The following DENND2B variants were observed in gnomAD, a reference collection of about 807,000 sequenced individuals.
DENND2B encodes DENN domain containing 2B.
DENND2B carries 32 observed loss-of-function variants against 116.0 expected under a neutral mutation model. That is an observed-to-expected ratio of 0.28 (90% CI 0.21 to 0.37). The LOEUF is 0.37. DENND2B is among the 10% of genes least tolerant of loss of function. DENND2B has a pLI of 1.00. For missense variants in DENND2B, 1,276 were observed against 1,477.7 expected (o/e 0.86, Z 2.24); for synonymous variants, 588 against 583.9 (o/e 1.01, Z -0.10).
intron 1 of DENND2B, chr11:8,910,709 AGTGTGTGTGTGTGTGT>A (rs56115841): frequency 2.8e-5 from 2 of 72,356 alleles, no homozygotes; most frequent in African/African-American, 1.2e-4. Flanking sequence ...ACTCCTGGCT[AGTGTGTGTGTGTGTGT>A]GTGTGTGTGT....
intron 2 of DENND2B, among the ~76,000 whole-genome samples, chr11:8,732,027 C>A (rs2048208971): frequency 6.6e-6 from 1 of 152,162 alleles, no homozygotes; most frequent in African/African-American, 2.4e-5. Context: ...TGGGTTCTGA[C>A]CAGAATTAGA....
chr11:8,875,986 T>C (rs7106539), upstream of DENND2B, among the ~76,000 whole-genome samples: 3 of 128,236 alleles, frequency 2.3e-5, no homozygotes, highest in African/African-American at 6.0e-5. Context: ...TATTATTTTA[T>C]TTAGATCTAC....
chr11:8,737,899 C>T (rs2049382848), intron 2 of DENND2B, among the ~76,000 whole-genome samples: 1 of 149,688 alleles, frequency 6.7e-6, no homozygotes, highest in South Asian at 2.1e-4. Context: ...AGGTTCATGC[C>T]ACCAGGTCCA....
At chr11:8,717,045 C>T (rs1326840296) in intron 5 of DENND2B, among the ~76,000 whole-genome samples, 1 of 152,138 alleles carries the variant, frequency 6.6e-6, no homozygotes, top group East Asian at 1.9e-4. Flanking sequence ...ATATAATATC[C>T]AGGTCCTTCC....
At chr11:8,863,419 GA>G (rs200942641) in intron 2 of DENND2B, among the ~76,000 whole-genome samples, 4,654 of 151,048 alleles carry the variant, frequency 0.031, 94 homozygotes, top group African/African-American at 0.044. Flanking sequence ...ATTTTTAGTA[GA>G]GAAGGGGTTT....
intron 4 of DENND2B, among the ~76,000 whole-genome samples, chr11:8,722,770 C>T (rs900768409): frequency 2.0e-5 from 3 of 152,190 alleles, no homozygotes; most frequent in Admixed American, 1.3e-4. Context: ...ACCACCCCCA[C>T]CACCCCACGA....
intron 2 of DENND2B, among the ~76,000 whole-genome samples, chr11:8,739,406 T>C (rs1449685315): frequency 6.6e-6 from 1 of 152,230 alleles, no homozygotes; most frequent in Non-Finnish European, 1.5e-5. Context: ...CAGACAACAC[T>C]TACTCTGAGT....
chr11:8,765,033 T>G (rs2055423864), intron 1 of DENND2B, among the ~76,000 whole-genome samples: 1 of 151,850 alleles, frequency 6.6e-6, no homozygotes, highest in Non-Finnish European at 1.5e-5. Context: ...CAAAATCCCA[T>G]TTTTCTTTAA....
At chr11:8,814,085 T>A (rs2061487163), upstream of DENND2B, among the ~76,000 whole-genome samples, 1 of 152,162 alleles carries the variant, frequency 6.6e-6, no homozygotes, top group Non-Finnish European at 1.5e-5. Context: ...CCTTCTTATT[T>A]CTGCCCACAT....
chr11:8,817,094 G>C (rs990525457), intron 4 of DENND2B, among the ~76,000 whole-genome samples: 2 of 152,162 alleles, frequency 1.3e-5, no homozygotes, highest in Non-Finnish European at 2.9e-5. Context: ...ACAGAATGGG[G>C]AAATTAGGAA....
intron 2 of DENND2B, among the ~76,000 whole-genome samples, chr11:8,738,312 T>C (rs952068659): frequency 1.3e-5 from 2 of 152,220 alleles, no homozygotes; most frequent in Non-Finnish European, 2.9e-5. Context: ...TCACTCTTCA[T>C]GGTTTTCTTC....
At chr11:8,698,597 G>T (rs911930012) in intron 16 of DENND2B, among the ~76,000 whole-genome samples, 1 of 152,212 alleles carries the variant, frequency 6.6e-6, no homozygotes, top group Non-Finnish European at 1.5e-5. Flanking sequence ...TTCAAGGCAG[G>T]TGTTGTCACC....
At chr11:8,722,474 TC>T (rs1365079128) in intron 4 of DENND2B, among the ~76,000 whole-genome samples, 1 of 151,800 alleles carries the variant, frequency 6.6e-6, no homozygotes, top group Non-Finnish European at 1.5e-5. Context: ...GAGAGACGGC[TC>T]CCAGGAAGTC....
intron 1 of DENND2B, among the ~76,000 whole-genome samples, chr11:8,783,155 A>C (rs569507953): frequency 2.5e-4 from 38 of 151,148 alleles, no homozygotes; most frequent in Non-Finnish European, 4.7e-4. Flanking sequence ...CCTGGGTTCA[A>C]GTGATCCTCC....
chr11:8,891,022 A>T (rs1370872927), intron 1 of DENND2B, among the ~76,000 whole-genome samples: 1 of 152,246 alleles, frequency 6.6e-6, no homozygotes, highest in African/African-American at 2.4e-5. Flanking sequence ...AGTGAAGCCC[A>T]TCAGACTAAC....
In DENND2B at chr11:8,714,705, A is replaced by T. The variant is rs1397733881; in HGVS notation, c.1847T>A (p.Leu616His). The stretch of plus-strand genomic sequence containing the variant: ...GTAGATGGAGTTAATTCTTTGGACA[A>T]GCTGGGTGAGAAAAGCAGGATGGGT... The part of the protein sequence containing the change: ...SSRRARRIPK[L>H]VQRINSIYNA... The change falls in exon 7 of 20, where the codon CTT (leucine) becomes CAT (histidine). Residue 616 changes from leucine (L) to histidine (H), a missense_variant and splice_region_variant. Physicochemically the swap from Leu to His is moderately conservative, Grantham distance 99. Around this residue, in one of 2 missense-constraint regions of DENND2B, gnomAD observed 856 missense variants for 846.6 expected, o/e 1.01. Transcript: ENST00000313726. 6.2e-7 allele frequency: 1 copy of T among 1,614,108 alleles called. No individual in the cohort carries two copies. The highest frequency in any genetic ancestry group is 1.1e-5 in the South Asian group (1 of 91,076).
chr11:8,866,476 G>C (rs2063585229), intron 2 of DENND2B, among the ~76,000 whole-genome samples: 1 of 152,154 alleles, frequency 6.6e-6, no homozygotes, highest in South Asian at 2.1e-4. Flanking sequence ...CATTCTCCCG[G>C]GAAGACATAC....
upstream of DENND2B, among the ~76,000 whole-genome samples, chr11:8,813,718 C>T (rs2061473257): frequency 1.3e-5 from 2 of 152,212 alleles, no homozygotes; most frequent in African/African-American, 2.4e-5. Context: ...GTAATCCAAA[C>T]TTAAGAAGCC....
At chr11:8,718,638 A>T in intron 4 of DENND2B, 1 of 1,302,088 alleles carries the variant, frequency 7.7e-7, no homozygotes. Flanking sequence ...TCCTGCTGTG[A>T]CACAGGGGAG....
Sources: allele counts gnomAD v4.1 joint callset (sites outside exome capture counted in the v4.1 genomes callset), GRCh38; gene constraint gnomAD v4.1.1; regional missense constraint gnomAD v4.1.1; transcripts MANE v1.5; gene names NCBI Gene and HGNC (gene_info 2026-07-23, HGNC 2026-07-21).